The following CACNG5 variants were observed in gnomAD, a reference collection of about 807,000 sequenced individuals.
CACNG5 encodes voltage-dependent calcium channel gamma-5 subunit.
CACNG5 carries 18 observed loss-of-function variants against 24.8 expected under a neutral mutation model. That is an observed-to-expected ratio of 0.73 (90% CI 0.50 to 1.08). The LOEUF (loss-of-function observed/expected upper bound fraction) is 1.08. Ranked by LOEUF, CACNG5 falls within the 50% of genes least tolerant of loss-of-function variation. The pLI, the probability that CACNG5 is intolerant of heterozygous loss-of-function variation, is 0.00. For synonymous variants in CACNG5, 157 were observed against 149.1 expected, an observed-to-expected ratio of 1.05 and a Z score of -0.39; for missense variants, 349 against 367.9, an observed-to-expected ratio of 0.95 and a Z score of 0.42.
intron 1 of CACNG5, among the ~76,000 whole-genome samples, chr17:66,876,020 C>T (rs1338214176): frequency 6.6e-6 from 1 of 152,194 alleles, no homozygotes. Flanking sequence ...TGGCACAGCA[C>T]TTCTCAGATT....
rs578112992 is a variant in CACNG5 at position 66,849,325 on chromosome 17, C to T, written c.-104+14075C>T. On this transcript the variant is annotated intron_variant, in intron 1 of 5. Transcript: ENST00000533854. ...GGTTGGGGGCAGGGGTGGGGGGAGC[C>T]GCACTGGGACGGGAGGGGCAGAGGA... Among the ~76,000 whole-genome samples the T allele has an allele frequency of 3.7e-3, 563 of 151,740 alleles. 1 individual carries two copies. The highest frequency in any genetic ancestry group is 0.013 in the African/African-American group (536 of 41,368).
At chr17:66,870,807 C>T (rs1976995536) in intron 1 of CACNG5, among the ~76,000 whole-genome samples, 1 of 152,138 alleles carries the variant, frequency 6.6e-6, no homozygotes, top group Admixed American at 6.5e-5. Context: ...GGTGAAACCC[C>T]ATCTCTATTT....
chr17:66,891,792 A>G lies in CACNG5; in HGVS notation c.*6552A>G, dbSNP rs141777844. Among the ~76,000 whole-genome samples, 2 of 152,342 alleles carry G rather than the reference A, an allele frequency of 1.3e-5. No homozygotes were observed. The highest frequency in any genetic ancestry group is 3.9e-4 in the East Asian group (2 of 5,188). On this transcript the variant is annotated 3_prime_UTR_variant, in exon 6 of 6. Coordinates refer to ENST00000533854, the MANE Select transcript of CACNG5 (RefSeq NM_145811.3). The stretch of plus-strand genomic sequence containing the variant: ...ATCTATGGTAGCAACCACCTTTGAG[A>G]AACACGATCTGCTGTACCATGACTG...
In CACNG5 at chr17:66,885,035, A is replaced by C; in HGVS notation, c.623A>C (p.Asp208Ala). 6.2e-7 allele frequency: 1 copy of C among 1,614,088 alleles called. No homozygotes were observed. Among genetic ancestry groups the C allele is most frequent in the African/African-American group, 1.3e-5 (1 of 75,012 alleles). The change falls in exon 6 of 6, where the codon GAC becomes GCC. Residue 208 changes from aspartate to alanine, a missense_variant. By Grantham distance (126) the Asp-to-Ala change is moderately radical (BLOSUM62 -2). Coordinates refer to ENST00000533854, the MANE Select transcript of CACNG5 (RefSeq NM_145811.3). ...YLFMKRYTAE[D>A]MYRPHPGFYR... ...TTTATGAAGCGGTACACCGCGGAGG[A>C]CATGTACAGGCCCCACCCTGGCTTC... is the stretch of plus-strand genomic sequence containing the variant.
At chr17:66,860,084 G>A (rs1432353090) in intron 1 of CACNG5, among the ~76,000 whole-genome samples, 1 of 152,178 alleles carries the variant, frequency 6.6e-6, no homozygotes, top group Admixed American at 6.5e-5. Context: ...TTTTTCAGAA[G>A]TGAGAGTTTT....
Position 66,877,330 on chromosome 17 carries a change from A to T in CACNG5, c.-3A>T. ...ACTAGTTGCACAGCAACGGTCCAGG[A>T]AGATGAGTGCCTGCGGGAGGAAGGC... is the stretch of plus-strand genomic sequence containing the variant. On this transcript the variant is annotated 5_prime_UTR_variant, in exon 2 of 6. Coordinates refer to ENST00000533854, the MANE Select transcript of CACNG5 (RefSeq NM_145811.3). 3.7e-6 allele frequency: 6 copies of T among 1,613,166 alleles called. No individual in the cohort carries two copies. In the East Asian group the frequency reaches 1.3e-4, roughly 36 times the overall value.
Position 66,892,438 on chromosome 17 carries a change from A to C in CACNG5, c.*7198A>C, listed in dbSNP as rs1416940151. 1.3e-5 allele frequency among the ~76,000 whole-genome samples: 2 copies of C among 152,262 alleles called. No individual in the cohort carries two copies. Among genetic ancestry groups the C allele is most frequent in the African/African-American group, 4.8e-5 (2 of 41,470 alleles). ...AGCAGGGATGCAAGCAGGGATGATA[A>C]ATCCTTAGAAATGATCTCATAGTCT... On this transcript the variant is annotated 3_prime_UTR_variant, in exon 6 of 6. Transcript: ENST00000533854.
In CACNG5 at chr17:66,885,009, G is replaced by GA. The variant is rs756317796; in HGVS notation, c.597_598insA (p.Phe200IlefsTer69). On this transcript the variant is annotated frameshift_variant, in exon 6 of 6. Coordinates refer to ENST00000533854, the MANE Select transcript of CACNG5 (RefSeq NM_145811.3). LOFTEE classifies it high-confidence loss of function. ...GTGCCGGGGTGATGTCTGTGTACCT[G>GA]TTTATGAAGCGGTACACCGCGGAGG... 6.2e-7 allele frequency: 1 copy of GA among 1,614,188 alleles called. No homozygotes were observed. Among genetic ancestry groups the GA allele is most frequent in the Admixed American group, 1.7e-5 (1 of 60,034 alleles).
intron 1 of CACNG5, among the ~76,000 whole-genome samples, chr17:66,873,487 A>C (rs1313132646): frequency 2.6e-5 from 4 of 152,102 alleles, no homozygotes; most frequent in Non-Finnish European, 5.9e-5. Context: ...TCATCTTTCC[A>C]AATCTCCAAA....
intron 1 of CACNG5, among the ~76,000 whole-genome samples, chr17:66,864,859 T>C (rs924676431): frequency 8.5e-5 from 13 of 152,182 alleles, no homozygotes; most frequent in Admixed American, 3.9e-4. Context: ...TAAAGAAGAG[T>C]TGATATTTTT....
chr17:66,846,481 TACA>T (rs1255382108), intron 1 of CACNG5, among the ~76,000 whole-genome samples: 1 of 152,226 alleles, frequency 6.6e-6, no homozygotes, highest in Non-Finnish European at 1.5e-5. Context: ...ATTATAATCA[TACA>T]ACAAGTGGCC....
chr17:66,864,417 T>C (rs1209075950), intron 1 of CACNG5, among the ~76,000 whole-genome samples: 1 of 152,248 alleles, frequency 6.6e-6, no homozygotes, highest in African/African-American at 2.4e-5. Context: ...AACTGACACA[T>C]ACCTCAACTG....
chr17:66,869,681 A>G (rs1005271281), intron 1 of CACNG5, among the ~76,000 whole-genome samples: 1 of 152,208 alleles, frequency 6.6e-6, no homozygotes, highest in African/African-American at 2.4e-5. Context: ...CGTTCTGGAC[A>G]AGGCCATGCC....
intron 1 of CACNG5, among the ~76,000 whole-genome samples, chr17:66,856,087 G>A (rs895250205): frequency 2.6e-5 from 4 of 152,214 alleles, no homozygotes; most frequent in Non-Finnish European, 4.4e-5. Context: ...TTTGCAGAGA[G>A]GCATGTTGGT....
At chr17:66,865,521 A>G (rs955855417) in intron 1 of CACNG5, among the ~76,000 whole-genome samples, 1 of 152,140 alleles carries the variant, frequency 6.6e-6, no homozygotes, top group East Asian at 1.9e-4. Flanking sequence ...CTCTTCTGTT[A>G]TGGAGTTGTT....
intron 1 of CACNG5, among the ~76,000 whole-genome samples, chr17:66,860,816 T>G (rs1412440013): frequency 6.6e-6 from 1 of 151,926 alleles, no homozygotes; most frequent in Admixed American, 6.6e-5. Context: ...CCAACACAAA[T>G]ACGTAAACTT....
chr17:66,845,447 C>T (rs1428230867), intron 1 of CACNG5, among the ~76,000 whole-genome samples: 1 of 131,030 alleles, frequency 7.6e-6, no homozygotes, highest in Non-Finnish European at 1.6e-5. Context: ...TGTCCCAGAA[C>T]TTAAAGTAAA....
intron 1 of CACNG5, among the ~76,000 whole-genome samples, chr17:66,839,054 C>T (rs548193858): frequency 4.9e-4 from 74 of 150,330 alleles, no homozygotes; most frequent in African/African-American, 1.7e-3. Flanking sequence ...CTCCGCCTCC[C>T]GGGTTCAAGC....
chr17:66,884,241 T>G (rs780876459), intron 4 of CACNG5, among the ~76,000 whole-genome samples: 1 of 151,980 alleles, frequency 6.6e-6, no homozygotes, highest in Non-Finnish European at 1.5e-5. Context: ...GTGACAGATA[T>G]GCACAGCAGG....
Sources: gnomAD v4.1 joint callset for allele counts (sites outside exome capture counted in the v4.1 genomes callset) on GRCh38, gnomAD v4.1.1 for gene constraint, MANE v1.5 for transcripts, NCBI Gene and HGNC (gene_info 2026-07-23, HGNC 2026-07-21) for gene names.